The following ROS1 variants were observed in gnomAD, a reference collection of about 807,000 sequenced individuals.
The protein encoded by ROS1 is ROS proto-oncogene 1, receptor tyrosine kinase.
Under a neutral mutation model 273.5 loss-of-function variants are expected in ROS1, and 263 were observed. The ratio of observed to expected loss-of-function variants is 0.96; its 90% CI spans 0.87 to 1.06. ROS1 has a LOEUF of 1.06. Ranked by LOEUF, ROS1 falls within the 50% of genes least tolerant of loss-of-function variation. The pLI is 0.00. For missense variants in ROS1, 2,833 were observed against 2,751.1 expected, an observed-to-expected ratio of 1.03 and a Z score of -0.67; for synonymous variants, 1,008 against 954.1, an observed-to-expected ratio of 1.06 and a Z score of -1.04.
chr6:117,397,636 T>C (rs1216221005), intron 7 of ROS1, among the ~76,000 whole-genome samples: 1 of 152,258 alleles, frequency 6.6e-6, no homozygotes, highest in Non-Finnish European at 1.5e-5. Context: ...TCAGCTCTAA[T>C]GACCCAGACT....
At chr6:117,419,009 C>T (rs1451936741) in intron 1 of ROS1, among the ~76,000 whole-genome samples, 3 of 152,152 alleles carry the variant, frequency 2.0e-5, no homozygotes, top group South Asian at 2.1e-4. Context: ...ATAAATTGCT[C>T]GTTATCTCTC....
chr6:117,324,560 A>C, intron 34 of ROS1, 145 bp from the exon 35 acceptor site: 1 of 561,870 alleles, frequency 1.8e-6, no homozygotes, highest in East Asian at 3.0e-5. Flanking sequence ...GTAGCTTGAA[A>C]GCATCCATAC....
At chr6:117,393,474 A>G (rs1773236969) in intron 11 of ROS1, among the ~76,000 whole-genome samples, 153 bp from the exon 12 acceptor site, 1 of 152,152 alleles carries the variant, frequency 6.6e-6, no homozygotes. Context: ...CCCTTAAACG[A>G]CAGTTTTATA....
At chr6:117,397,200 T>G in intron 7 of ROS1, 84 bp from the exon 8 acceptor site, 2 of 942,232 alleles carry the variant, frequency 2.1e-6, no homozygotes, top group South Asian at 3.2e-5. Context: ...AGTCTTGTTT[T>G]TTTTTTTGAA....
At chr6:117,377,256 G>A (rs9374652) in intron 18 of ROS1, among the ~76,000 whole-genome samples, 30,741 of 151,896 alleles carry the variant, frequency 0.2, 3,508 homozygotes, top group Admixed American at 0.34. Flanking sequence ...GATTACAGGC[G>A]CCCATCACCA....
intron 27 of ROS1, among the ~76,000 whole-genome samples, chr6:117,346,295 C>G (rs1457045273): frequency 6.6e-6 from 1 of 150,782 alleles, no homozygotes; most frequent in Non-Finnish European, 1.5e-5. Flanking sequence ...TAATTGAATA[C>G]CTTCAGAAAA....
intron 27 of ROS1, 22 bp from the exon 28 acceptor site, chr6:117,344,284 A>T (rs527564215): frequency 9.6e-6 from 15 of 1,556,250 alleles, no homozygotes; most frequent in Middle Eastern, 3.4e-4. Context: ...AGAAACCAAA[A>T]GATTAAATAT....
chr6:117,331,624 T>G (rs763604315), intron 32 of ROS1, among the ~76,000 whole-genome samples: 2 of 152,172 alleles, frequency 1.3e-5, no homozygotes, highest in Non-Finnish European at 2.9e-5. Context: ...GGGACGCCCA[T>G]CAGACTAACA....
chr6:117,321,762 T>C (rs564759678), intron 35 of ROS1, among the ~76,000 whole-genome samples: 1 of 151,682 alleles, frequency 6.6e-6, no homozygotes, highest in East Asian at 1.9e-4. Flanking sequence ...ACAAATTCAT[T>C]TTTGAGTTCA....
Position 117,357,792 on chromosome 6 carries a change from G to T in ROS1, c.3839+12C>A. 1.3e-6 allele frequency: 2 copies of T among 1,514,046 alleles called. No homozygotes were observed. The allele number at this position is 1,514,046 out of a possible 1,614,324, so 93.8% of individuals were successfully genotyped here. On this transcript the variant is annotated intron_variant, in intron 25 of 43. Transcript: ENST00000368507. ...TTCATCACAATATAAAAAAATACTT[G>T]CATTTACATACCTTAAAAGAGGATA...
At chr6:117,353,543 C>T (rs58066288) in intron 26 of ROS1, among the ~76,000 whole-genome samples, 2 of 152,166 alleles carry the variant, frequency 1.3e-5, no homozygotes, top group African/African-American at 4.8e-5. Flanking sequence ...AGGCATAGGG[C>T]TCAGTGCATT....
intron 18 of ROS1, among the ~76,000 whole-genome samples, chr6:117,373,417 C>T (rs117981656): frequency 0.079 from 11,976 of 152,318 alleles, 583 homozygotes; most frequent in Non-Finnish European, 0.1. Context: ...ATGCAGGTCC[C>T]GAGCCTTGCC....
chr6:117,326,287 CT>C lies in ROS1; in HGVS notation c.5475del (p.Ala1826LeufsTer5). On this transcript the variant is annotated frameshift_variant, in exon 34 of 44. Transcript: ENST00000368507. LOFTEE classifies it high-confidence loss of function. Reference protein sequence around the residue: ...NLKGIFQFRVVAANNLGFGEY... With the variant: ...NLKGIFQFRVXAANNLGFGEY... The stretch of plus-strand genomic sequence containing the variant: ...TCACCAAACCCTAGATTATTTGCAG[CT>C]ACTACTCTGAACTGAAATATTCCTT... The C allele has an allele frequency of 6.2e-7, 1 of 1,601,280 alleles. No individual in the cohort carries two copies. The highest frequency in any genetic ancestry group is 1.7e-4 in the Middle Eastern group (1 of 6,044).
At position 117,365,580 on chromosome 6, in the gene ROS1, C is replaced by G. The variant is rs777434190; in HGVS notation, c.2958+1G>C. On this transcript the variant is annotated splice_donor_variant, in intron 20 of 43. Coordinates refer to ENST00000368507, the MANE Select transcript of ROS1 (RefSeq NM_001378902.1). LOFTEE classifies it high-confidence loss of function. ...GAAAGTTACTAGAACCAACACCATA[C>G]CTTAGAATGAGCACTAAATTCTACA... The G allele has an allele frequency of 2.5e-6, 4 of 1,612,132 alleles. No individual in the cohort carries two copies. Among genetic ancestry groups the G allele is most frequent in the Non-Finnish European group, 1.7e-6 (2 of 1,178,352 alleles).
intron 26 of ROS1, among the ~76,000 whole-genome samples, chr6:117,353,425 G>T (rs1779046951): frequency 6.6e-6 from 1 of 152,180 alleles, no homozygotes; most frequent in Non-Finnish European, 1.5e-5. Flanking sequence ...GAAGTTTAAA[G>T]GAGTTAAATA....
At chr6:117,419,972 T>G (rs1775629893) in intron 1 of ROS1, among the ~76,000 whole-genome samples, 1 of 152,164 alleles carries the variant, frequency 6.6e-6, no homozygotes, top group Non-Finnish European at 1.5e-5. Context: ...TTCCCCATTC[T>G]TCTCCTCACA....
intron 5 of ROS1, among the ~76,000 whole-genome samples, chr6:117,406,873 T>C (rs1774448119): frequency 6.6e-6 from 1 of 152,212 alleles, no homozygotes; most frequent in Non-Finnish European, 1.5e-5. Context: ...TGTTGGGCAC[T>C]GCACAACTCC....
At position 117,356,871 on chromosome 6, in the gene ROS1, A is replaced by T; in HGVS notation, c.3884T>A (p.Phe1295Tyr). ...TEVSNFGYQM[F>Y]YYSIISHTLH... ...GGTGTGACTGATAATACTGTAGTAG[A>T]ACATCTGGTAGCCAAAATTGGAAAC... Residue 1295 changes from phenylalanine (F) to tyrosine (Y), a missense_variant, in exon 26 of 44, where the codon TTC becomes TAC. By Grantham distance (22) the Phe-to-Tyr change is conservative. Transcript: ENST00000368507. 1 of 1,614,152 alleles carries T rather than the reference A, an allele frequency of 6.2e-7. No individual in the cohort carries two copies. The highest frequency in any genetic ancestry group is 8.5e-7 in the Non-Finnish European group (1 of 1,180,014).
At chr6:117,394,475 A>G in intron 10 of ROS1, 129 bp from the exon 11 acceptor site, 3 of 815,250 alleles carry the variant, frequency 3.7e-6, no homozygotes, top group Non-Finnish European at 5.1e-6. Flanking sequence ...AAAAGAAAAT[A>G]TTCTTCTAAA....
Sources: allele counts gnomAD v4.1 joint callset (sites outside exome capture counted in the v4.1 genomes callset), GRCh38; gene constraint gnomAD v4.1.1; transcripts MANE v1.5; gene names NCBI Gene and HGNC (gene_info 2026-07-23, HGNC 2026-07-21).